The following OSMR variants were observed in gnomAD, a reference collection of about 807,000 sequenced individuals.
OSMR encodes the protein oncostatin-M-specific receptor subunit beta.
A neutral mutation model predicts 99.9 loss-of-function variants in OSMR; 81 were observed. The observed-to-expected ratio is 0.81, with a 90% CI of 0.68 to 0.97. The LOEUF is 0.97. Among genes scored for constraint, OSMR ranks in the 50% least tolerant of loss-of-function variants. OSMR has a pLI of 0.00. For synonymous variants in OSMR, 406 were observed against 410.4 expected, an observed-to-expected ratio of 0.99 and a Z score of 0.13; for missense variants, 1,099 against 1,153.4, an observed-to-expected ratio of 0.95 and a Z score of 0.68.
chr5:38,922,423 G>C (rs551085850), intron 12 of OSMR, among the ~76,000 whole-genome samples: 147 of 152,290 alleles, frequency 9.7e-4, no homozygotes, highest in Non-Finnish European at 1.9e-3. Context: ...AGGTGTAATG[G>C]GGAAATGAGG....
intron 1 of OSMR, among the ~76,000 whole-genome samples, chr5:38,852,709 ATTG>A (rs1428294147): frequency 1.2e-5 from 1 of 81,032 alleles, no homozygotes; most frequent in Non-Finnish European, 2.7e-5. Context: ...TATTGAAACT[ATTG>A]TTTTCATTTT....
At chr5:38,919,112 A>G (rs1209182602) in intron 11 of OSMR, 50 bp downstream of exon 11, 2 of 1,600,726 alleles carry the variant, frequency 1.2e-6, no homozygotes, top group South Asian at 1.1e-5. Flanking sequence ...GAAAATGTTG[A>G]TGACGTTATT....
intron 9 of OSMR, among the ~76,000 whole-genome samples, chr5:38,912,390 G>A (rs933044377): frequency 1.3e-5 from 2 of 152,172 alleles, no homozygotes; most frequent in East Asian, 3.9e-4. Context: ...TCTCTACAAG[G>A]AGAACTAGAA....
At chr5:38,853,642 C>T (rs1740616913) in intron 1 of OSMR, among the ~76,000 whole-genome samples, 1 of 152,082 alleles carries the variant, frequency 6.6e-6, no homozygotes, top group African/African-American at 2.4e-5. Context: ...TTCAGAATAC[C>T]CTTGGATTCC....
intron 13 of OSMR, 122 bp from the exon 14 acceptor site, chr5:38,924,300 T>A (rs2112664116): frequency 6.5e-7 from 1 of 1,548,302 alleles, no homozygotes; most frequent in Non-Finnish European, 8.7e-7. Context: ...ATAAAACTCC[T>A]TAACTTGGCA....
chr5:38,860,363 T>C (rs950265201), intron 1 of OSMR, among the ~76,000 whole-genome samples: 1 of 152,228 alleles, frequency 6.6e-6, no homozygotes, highest in Admixed American at 6.5e-5. Flanking sequence ...ATGTAACGTA[T>C]CACATTTATT....
intron 1 of OSMR, chr5:38,942,487 T>G: frequency 1.9e-6 from 1 of 523,266 alleles, no homozygotes; most frequent in Non-Finnish European, 3.2e-6. Flanking sequence ...TCTTGCTCAG[T>G]CTTCCCAGGA....
At chr5:38,868,939 C>A in intron 1 of OSMR, 93 bp from the exon 2 acceptor site, 7 of 1,472,780 alleles carry the variant, frequency 4.8e-6, no homozygotes, top group Admixed American at 3.9e-5. Flanking sequence ...GTATGGGAGC[C>A]TTTATTGCCT....
chr5:38,944,466 A>G, intron 2 of OSMR: 1 of 1,609,002 alleles, frequency 6.2e-7, no homozygotes, highest in Non-Finnish European at 8.5e-7. Flanking sequence ...CAGTCTCATG[A>G]CATTTAGTTG....
At chr5:38,893,660 A>G (rs1415530886) in intron 7 of OSMR, among the ~76,000 whole-genome samples, 1 of 152,236 alleles carries the variant, frequency 6.6e-6, no homozygotes, top group African/African-American at 2.4e-5. Context: ...AAAGTCTTTA[A>G]GAAATATGGC....
intron 2 of OSMR, among the ~76,000 whole-genome samples, chr5:38,870,028 A>T (rs1010837597): frequency 6.6e-6 from 1 of 152,036 alleles, no homozygotes; most frequent in Admixed American, 6.6e-5. Flanking sequence ...ATGAAAATAT[A>T]TTTGGAAAAA....
chr5:38,904,239 C>T, intron 8 of OSMR, 114 bp from the exon 9 acceptor site: 5 of 1,543,384 alleles, frequency 3.2e-6, no homozygotes, highest in Non-Finnish European at 3.5e-6. Flanking sequence ...ACTGATCTTA[C>T]TCCAGGTCAG....
At chr5:38,848,858 C>T (rs1240080895) in intron 1 of OSMR, among the ~76,000 whole-genome samples, 3 of 152,056 alleles carry the variant, frequency 2.0e-5, no homozygotes, top group South Asian at 2.1e-4. Context: ...ACTGCAGCCT[C>T]GACCTTCTGG....
At chr5:38,862,843 G>T (rs1391749571) in intron 1 of OSMR, among the ~76,000 whole-genome samples, 2 of 151,928 alleles carry the variant, frequency 1.3e-5, no homozygotes. Context: ...AGCGAGCCGA[G>T]ATCACACCAC....
intron 3 of OSMR, among the ~76,000 whole-genome samples, chr5:38,879,816 G>A (rs765229839): frequency 3.9e-5 from 6 of 151,940 alleles, no homozygotes; most frequent in Non-Finnish European, 7.4e-5. Context: ...TAGAAATGGG[G>A]TTTCACCATG....
chr5:38,915,540 T>A (rs1489481608), intron 9 of OSMR, among the ~76,000 whole-genome samples: 1 of 152,214 alleles, frequency 6.6e-6, no homozygotes, highest in East Asian at 1.9e-4. Flanking sequence ...AACCATTAGA[T>A]TATGAAACTA....
intron 2 of OSMR, among the ~76,000 whole-genome samples, chr5:38,870,249 C>T (rs775185841): frequency 2.0e-5 from 3 of 152,030 alleles, no homozygotes; most frequent in African/African-American, 4.8e-5. Flanking sequence ...GTATACCTCT[C>T]GCTCACTCTG....
intron 4 of OSMR, chr5:38,883,591 G>A: frequency 2.2e-6 from 1 of 459,188 alleles, no homozygotes; most frequent in Non-Finnish European, 2.9e-6. Flanking sequence ...ATAGTAATGT[G>A]CTGTCTGTGG....
At chr5:38,907,207 C>T (rs1745293619) in intron 9 of OSMR, among the ~76,000 whole-genome samples, 1 of 152,186 alleles carries the variant, frequency 6.6e-6, no homozygotes, top group Admixed American at 6.5e-5. Context: ...ATACCCTGCA[C>T]AGGGCTATGA....
Sources: gnomAD v4.1 joint callset for allele counts (sites outside exome capture counted in the v4.1 genomes callset) on GRCh38, gnomAD v4.1.1 for gene constraint, MANE v1.5 for transcripts, NCBI Gene and HGNC (gene_info 2026-07-23, HGNC 2026-07-21) for gene names.